Variants in CERT1 observed in about 807,000 individuals in gnomAD.
The protein encoded by CERT1 is ceramide transporter 1.
Under a neutral mutation model 87.9 loss-of-function variants are expected in CERT1, and 31 were observed. That is an observed-to-expected ratio of 0.35 (90% CI 0.27 to 0.48). The LOEUF is 0.48. Among genes scored for constraint, CERT1 ranks in the 20% least tolerant of loss-of-function variants. CERT1 has a pLI of 0.99. For missense variants in CERT1, 487 were observed against 758.0 expected, an observed-to-expected ratio of 0.64 and a Z score of 4.20; for synonymous variants, 289 against 250.9, an observed-to-expected ratio of 1.15 and a Z score of -1.44.
At chr5:75,377,057 T>C (rs979057993), downstream of CERT1, 8 of 152,168 alleles carry the variant, frequency 5.3e-5, no homozygotes, top group African/African-American at 1.2e-4. Flanking sequence ...TGTATCACAA[T>C]TGGCAATATC....
chr5:75,381,323 A>C, intron 15 of CERT1, 122 bp from the exon 16 acceptor site: 2 of 1,095,074 alleles, frequency 1.8e-6, no homozygotes, highest in Non-Finnish European at 2.7e-6. Flanking sequence ...GAAATCTTAT[A>C]AGCACCAAGC....
intron 12 of CERT1, among the ~76,000 whole-genome samples, chr5:75,386,276 T>A (rs1286102728): frequency 1.3e-5 from 2 of 152,168 alleles, no homozygotes; most frequent in African/African-American, 4.8e-5. Context: ...TTGTGAGTTG[T>A]TTAAAAATAA....
chr5:75,485,312 CAAAAAAAAA>C (rs757349878), intron 2 of CERT1, among the ~76,000 whole-genome samples: 19 of 46,438 alleles, frequency 4.1e-4, no homozygotes, highest in South Asian at 2.4e-3. Context: ...CACAAAAATA[CAAAAAAAAA>C]AAAAAAAAAA....
At chr5:75,436,477 C>T (rs2112228254) in intron 3 of CERT1, among the ~76,000 whole-genome samples, 1 of 152,278 alleles carries the variant, frequency 6.6e-6, no homozygotes, top group East Asian at 1.9e-4. Context: ...TACTCTATTT[C>T]TTATACTGGT....
At chr5:75,422,768 C>T (rs963909389) in intron 5 of CERT1, among the ~76,000 whole-genome samples, 10 of 152,058 alleles carry the variant, frequency 6.6e-5, no homozygotes, top group Admixed American at 1.3e-4. Context: ...TATTTGGAGA[C>T]AAGGTTTGTA....
chr5:75,403,606 C>T (rs1762587969), intron 8 of CERT1, among the ~76,000 whole-genome samples: 1 of 152,226 alleles, frequency 6.6e-6, no homozygotes, highest in African/African-American at 2.4e-5. Flanking sequence ...TGCACAAGAA[C>T]TATAGCTAAT....
chr5:75,506,164 A>C, intron 1 of CERT1, 48 bp from the exon 2 acceptor site: 1 of 1,573,356 alleles, frequency 6.4e-7, no homozygotes, highest in Non-Finnish European at 8.6e-7. Flanking sequence ...AAAAAATAGA[A>C]GTATTTTAGA....
intron 1 of CERT1, among the ~76,000 whole-genome samples, chr5:75,507,620 C>T (rs1031982065): frequency 5.9e-5 from 9 of 152,174 alleles, no homozygotes; most frequent in Non-Finnish European, 1.2e-4. Context: ...TTCCTATTTT[C>T]CTACTTCCTT....
intron 2 of CERT1, among the ~76,000 whole-genome samples, chr5:75,463,083 G>A (rs569815815): frequency 6.7e-6 from 1 of 150,350 alleles, no homozygotes; most frequent in East Asian, 1.9e-4. Context: ...GAGTATCAAA[G>A]GAGATAAAGC....
At chr5:75,423,080 T>G (rs796708844) in intron 5 of CERT1, among the ~76,000 whole-genome samples, 16 of 152,336 alleles carry the variant, frequency 1.1e-4, no homozygotes, top group African/African-American at 3.8e-4. Flanking sequence ...AATACATCAG[T>G]CTTCAATTTG....
intron 14 of CERT1, 39 bp downstream of exon 14, chr5:75,384,603 A>T: frequency 1.4e-6 from 2 of 1,409,704 alleles, no homozygotes; most frequent in Admixed American, 1.7e-5. Context: ...AGTTTGAACT[A>T]CATTGAAATC....
At chr5:75,405,718 A>T (rs1405347129) in intron 8 of CERT1, among the ~76,000 whole-genome samples, 1 of 152,230 alleles carries the variant, frequency 6.6e-6, no homozygotes, top group African/African-American at 2.4e-5. Flanking sequence ...CTACATTCAT[A>T]TAACTTTTTA....
At chr5:75,443,960 C>T (rs891054147) in intron 3 of CERT1, among the ~76,000 whole-genome samples, 7 of 152,192 alleles carry the variant, frequency 4.6e-5, no homozygotes, top group African/African-American at 1.7e-4. Context: ...ATAGCTAACC[C>T]TGCTCTCTTT....
At chr5:75,450,496 T>C (rs1485224022) in intron 3 of CERT1, among the ~76,000 whole-genome samples, 2 of 152,212 alleles carry the variant, frequency 1.3e-5, no homozygotes, top group Admixed American at 6.5e-5. Flanking sequence ...AACTGTCTCA[T>C]AGGGGAAACT....
chr5:75,439,086 T>C (rs1371599170), intron 3 of CERT1, among the ~76,000 whole-genome samples: 2 of 151,948 alleles, frequency 1.3e-5, no homozygotes, highest in Non-Finnish European at 2.9e-5. Flanking sequence ...CCAATATATA[T>C]ATACCTTTAT....
chr5:75,374,393 G>T (rs1166038144), downstream of CERT1: 6 of 553,830 alleles, frequency 1.1e-5, no homozygotes, highest in East Asian at 1.4e-4. Flanking sequence ...AGGAATCAAA[G>T]GTATATGGAA....
Position 75,429,822 on chromosome 5 carries a change from C to A in CERT1, c.349-3344G>T, listed in dbSNP as rs1763792136. Among the ~76,000 whole-genome samples, 2 of 135,192 alleles carry A rather than the reference C, an allele frequency of 1.5e-5. 1 individual carries two copies. The highest frequency in any genetic ancestry group is 4.8e-4 in the South Asian group (2 of 4,154). 88.7% of individuals were successfully genotyped at this position (135,192 alleles called of 152,430 possible). ...AAAGCTATCAGAAACTAGATAAGTT[C>A]ATCCAAATATAAGAAAAAATGAAAA... On this transcript the variant is annotated intron_variant, in intron 3 of 16. Coordinates refer to ENST00000643780, the MANE Select transcript of CERT1 (RefSeq NM_001379029.1).
At chr5:75,415,823 T>C (rs1042902081) in intron 7 of CERT1, among the ~76,000 whole-genome samples, 4 of 152,126 alleles carry the variant, frequency 2.6e-5, no homozygotes, top group African/African-American at 7.2e-5. Context: ...ACACTGAGTA[T>C]AGAGTTGAAA....
intron 8 of CERT1, among the ~76,000 whole-genome samples, chr5:75,409,789 A>G (rs935103600): frequency 1.7e-4 from 26 of 150,400 alleles, no homozygotes; most frequent in Non-Finnish European, 3.2e-4. Flanking sequence ...AGCCTCCCAA[A>G]GTGCTGAGAT....
Sources: allele counts gnomAD v4.1 joint callset (sites outside exome capture counted in the v4.1 genomes callset), GRCh38; gene constraint gnomAD v4.1.1; transcripts MANE v1.5; gene names NCBI Gene and HGNC (gene_info 2026-07-23, HGNC 2026-07-21).